Variants in CCM2L observed in about 807,000 individuals in gnomAD.
The protein encoded by CCM2L is CCM2 like scaffold protein.
A neutral mutation model predicts 54.1 loss-of-function variants in CCM2L; 36 were observed. That is an observed-to-expected ratio of 0.67 (90% confidence interval 0.51 to 0.88). The LOEUF is 0.88. Among genes scored for constraint, CCM2L ranks in the 40% least tolerant of loss-of-function variants. The probability of loss-of-function intolerance (pLI) is 0.00; values close to 1 mark genes in which losing one functional copy is unlikely to be tolerated. For missense variants in CCM2L, 700 were observed against 812.1 expected, an observed-to-expected ratio of 0.86 and a Z score of 1.68; for synonymous variants, 351 against 359.3, an observed-to-expected ratio of 0.98 and a Z score of 0.26.
chr20:32,015,162 C>T, intron 2 of CCM2L, 91 bp downstream of exon 2: 1 of 1,299,442 alleles, frequency 7.7e-7, no homozygotes, highest in Non-Finnish European at 1.0e-6. Flanking sequence ...CCGTATCTCA[C>T]ACAGGGGAAG....
intron 2 of CCM2L, among the ~76,000 whole-genome samples, chr20:32,015,991 G>T (rs1022372506): frequency 1.3e-5 from 2 of 151,510 alleles, no homozygotes; most frequent in African/African-American, 4.9e-5. Context: ...TTAATAGCTG[G>T]GACTACCGGC....
chr20:32,022,808 ACTC>A lies in CCM2L; in HGVS notation c.1069+16_1069+18del. The A allele has an allele frequency of 6.2e-7, 1 of 1,611,728 alleles. No individual in the cohort carries two copies. The highest frequency in any genetic ancestry group is 8.5e-7 in the Non-Finnish European group (1 of 1,179,742). ...CTCTGCAGCCGCAGTGAGTACCAGA[ACTC>A]CTGGCCTCCCCTCCTGTGAAACATC... is the stretch of plus-strand genomic sequence containing the variant. On this transcript the variant is annotated intron_variant, in intron 6 of 9. Coordinates refer to ENST00000452892, the MANE Select transcript of CCM2L (RefSeq NM_001365692.1).
At chr20:32,026,305 T>G (rs544128594) in intron 7 of CCM2L, among the ~76,000 whole-genome samples, 1 of 152,180 alleles carries the variant, frequency 6.6e-6, no homozygotes, top group Non-Finnish European at 1.5e-5. Context: ...ATATTTGACA[T>G]AAAATAGAGC....
chr20:32,013,096 C>G (rs1229640193), intron 1 of CCM2L, among the ~76,000 whole-genome samples: 1 of 152,154 alleles, frequency 6.6e-6, no homozygotes, highest in African/African-American at 2.4e-5. Flanking sequence ...CTCAGGAGTT[C>G]AAGCCAGCCC....
Position 32,018,975 on chromosome 20 carries a change from G to A in CCM2L, c.499G>A (p.Asp167Asn). 1 of 1,404,422 alleles carries A rather than the reference G, an allele frequency of 7.1e-7. No homozygotes were observed. Among genetic ancestry groups the A allele is most frequent in the Non-Finnish European group, 9.2e-7 (1 of 1,083,722 alleles). 87.0% of individuals were successfully genotyped at this position (1,404,422 alleles called of 1,614,324 possible). The change falls in exon 5 of 10, where the codon GAT (aspartate) becomes AAT (asparagine). Residue 167 changes from aspartate (D) to asparagine (N), a missense_variant. Physicochemically the swap from Asp to Asn is conservative, Grantham distance 23 (BLOSUM62 1). Coordinates refer to ENST00000452892, the MANE Select transcript of CCM2L (RefSeq NM_001365692.1). Reference sequence around the variant, plus strand: ...TGTGGACCCGGTGCCGGCCGGCGTGGATGCCAGCCCAGGCGGCGCAGGACG... The same window carrying A: ...TGTGGACCCGGTGCCGGCCGGCGTGAATGCCAGCCCAGGCGGCGCAGGACG... ...LGVDPVPAGV[D>N]ASPGGAGRDP...
chr20:32,030,724 A>G (rs1474742896), intron 9 of CCM2L, among the ~76,000 whole-genome samples: 7 of 151,404 alleles, frequency 4.6e-5, no homozygotes, highest in Admixed American at 4.0e-4. Flanking sequence ...AATCCCAGCT[A>G]CTTGGGAGGC....
chr20:32,031,495 G>A lies in CCM2L; in HGVS notation c.*181G>A. The A allele has an allele frequency of 2.6e-6, 1 of 390,120 alleles. No homozygotes were observed. The highest frequency in any genetic ancestry group is 4.3e-6 in the Non-Finnish European group (1 of 234,378). The allele number at this position is 390,120 out of a possible 1,614,324, so 24.2% of individuals were successfully genotyped here. A position where few individuals can be genotyped will look rare whatever the true frequency, so the allele number is the denominator to read the frequency against. On this transcript the variant is annotated 3_prime_UTR_variant, in exon 10 of 10. Transcript: ENST00000452892. Reference sequence around the variant, plus strand: ...GCAGTACCTGGAGTGTCCTGCAGGGGGAAAGCGAAGCCGGGCCCTGAAGTC... The same window carrying A: ...GCAGTACCTGGAGTGTCCTGCAGGGAGAAAGCGAAGCCGGGCCCTGAAGTC...
chr20:32,028,213 A>T (rs1224397902), intron 7 of CCM2L: 1 of 152,174 alleles, frequency 6.6e-6, no homozygotes, highest in African/African-American at 2.4e-5. Context: ...TGAGGTGGGC[A>T]GATTGCTTGA....
chr20:32,015,174 TG>T lies in CCM2L; in HGVS notation c.198+104del. On this transcript the variant is annotated intron_variant, in intron 2 of 9. Coordinates refer to ENST00000452892, the MANE Select transcript of CCM2L (RefSeq NM_001365692.1). ...CAGCCGTATCTCACACAGGGGAAGT[TG>T]TGGCTCATTGGAAAGAGGCCTGGGT... 2.5e-6 allele frequency: 3 copies of T among 1,216,952 alleles called. No homozygotes were observed. In the South Asian group the frequency reaches 5.6e-5, roughly 23 times the overall value. The allele number at this position is 1,216,952 out of a possible 1,614,324, so 75.4% of individuals were successfully genotyped here.
At position 32,031,417 on chromosome 20, in the gene CCM2L, C is replaced by A. The variant is rs992759287; in HGVS notation, c.*103C>A. On this transcript the variant is annotated 3_prime_UTR_variant, in exon 10 of 10. Coordinates refer to ENST00000452892, the MANE Select transcript of CCM2L (RefSeq NM_001365692.1). ...GCCCCCCCATCACACCTGGCGGGGCCGGGGGGTCTTCACTCCAGGGTCTCG... is the reference window on the plus strand; with the variant it reads ...GCCCCCCCATCACACCTGGCGGGGCAGGGGGGTCTTCACTCCAGGGTCTCG... 4 of 1,013,470 alleles carry A rather than the reference C, an allele frequency of 3.9e-6. No individual in the cohort carries two copies. In the African/African-American group the frequency reaches 6.8e-5, roughly 17 times the overall value. The allele number at this position is 1,013,470 out of a possible 1,614,324, so 62.8% of individuals were successfully genotyped here.
Position 32,029,925 on chromosome 20 carries a change from T to C in CCM2L, c.1402+87T>C, listed in dbSNP as rs2064905308. 2.9e-6 allele frequency: 4 copies of C among 1,392,616 alleles called. No homozygotes were observed. In the African/African-American group the frequency reaches 5.9e-5, roughly 21 times the overall value. 86.3% of individuals were successfully genotyped at this position (1,392,616 alleles called of 1,614,324 possible). On this transcript the variant is annotated intron_variant, in intron 9 of 9. Transcript: ENST00000452892. ...GTCAGGCACCAGGCTGCAAATGTTT[T>C]CTCCTTATCTTTCAGCCTCTGATGA...
At position 32,031,924 on chromosome 20, in the gene CCM2L, G is replaced by C. The variant is rs1173190613; in HGVS notation, c.*610G>C. 6.6e-6 allele frequency: 1 copy of C among 152,104 alleles called. No individual in the cohort carries two copies. Among genetic ancestry groups the C allele is most frequent in the Non-Finnish European group, 1.5e-5 (1 of 68,046 alleles). 9.4% of individuals were successfully genotyped at this position (152,104 alleles called of 1,614,324 possible). A position where few individuals can be genotyped will look rare whatever the true frequency, so the allele number is the denominator to read the frequency against. ...GGAGTAGACGGTTTCCTCCACCCAG[G>C]GTTGACTCAGGGGGATGATCTGGGT... On this transcript the variant is annotated 3_prime_UTR_variant, in exon 10 of 10. Transcript: ENST00000452892.
chr20:32,028,899 A>T, intron 7 of CCM2L, 96 bp from the exon 8 acceptor site: 1 of 1,479,000 alleles, frequency 6.8e-7, no homozygotes, highest in Admixed American at 1.9e-5. Context: ...CTTGGAGGCC[A>T]GCATGCAGTC....
chr20:32,029,298 A>C, intron 8 of CCM2L, 174 bp downstream of exon 8: 1 of 798,750 alleles, frequency 1.3e-6, no homozygotes, highest in Non-Finnish European at 2.0e-6. Context: ...GCCTTAACTA[A>C]TGTCAGCTGG....
chr20:32,013,461 C>T (rs1465626179), intron 1 of CCM2L, among the ~76,000 whole-genome samples: 1 of 151,940 alleles, frequency 6.6e-6, no homozygotes, highest in Non-Finnish European at 1.5e-5. Context: ...TTTGTTCCTT[C>T]GACAAGGTCT....
chr20:32,019,191 C>T lies in CCM2L; in HGVS notation c.715C>T (p.Arg239Ter). The T allele has an allele frequency of 2.7e-6, 3 of 1,126,902 alleles. No homozygotes were observed. Among genetic ancestry groups the T allele is most frequent in the Non-Finnish European group, 2.2e-6 (2 of 906,702 alleles). 69.8% of individuals were successfully genotyped at this position (1,126,902 alleles called of 1,614,324 possible). ...AGARASGSWE[R>*]RQTFSGSWER... ...GGCGCGGGCGTCGGGCAGCTGGGAG[C>T]GACGGCAGACGTTCAGCGGCAGCTG... Residue 239 changes from arginine (R) to a stop codon, truncating the protein, a stop_gained, in exon 5 of 10, where the codon CGA (arginine) becomes TGA (stop). Transcript: ENST00000452892. LOFTEE classifies it high-confidence loss of function.
intron 6 of CCM2L, among the ~76,000 whole-genome samples, chr20:32,024,657 T>G (rs2064837218): frequency 6.6e-6 from 1 of 152,090 alleles, no homozygotes; most frequent in Non-Finnish European, 1.5e-5. Flanking sequence ...TGAAAACCCA[T>G]CTCTACTAAA....
chr20:32,020,476 C>T (rs1250631387), intron 5 of CCM2L, among the ~76,000 whole-genome samples: 3 of 152,214 alleles, frequency 2.0e-5, no homozygotes, highest in Non-Finnish European at 4.4e-5. Context: ...TCTAGGTGAT[C>T]TGCATCTGAA....
intron 4 of CCM2L, among the ~76,000 whole-genome samples, chr20:32,018,415 A>G (rs2064762748): frequency 6.6e-6 from 1 of 152,142 alleles, no homozygotes; most frequent in Non-Finnish European, 1.5e-5. Context: ...CTGAGCCACT[A>G]CACTGAGGCC....
Sources: gnomAD v4.1 joint callset for allele counts (sites outside exome capture counted in the v4.1 genomes callset) on GRCh38, gnomAD v4.1.1 for gene constraint, MANE v1.5 for transcripts, NCBI Gene and HGNC (gene_info 2026-07-23, HGNC 2026-07-21) for gene names.